The following APBB2 variants were observed in gnomAD, a reference collection of about 807,000 sequenced individuals.
APBB2 encodes the protein amyloid beta precursor protein binding family B member 2, also known as Fe65-like 1.
Under a neutral mutation model 82.5 loss-of-function variants are expected in APBB2, and 38 were observed. The observed-to-expected ratio is 0.46, with a 90% CI of 0.36 to 0.60. APBB2 has a LOEUF of 0.60. APBB2 is among the 20% of genes least tolerant of loss of function. The pLI, the probability that APBB2 is intolerant of heterozygous loss-of-function variation, is 0.00. For missense variants in APBB2, 772 were observed against 972.3 expected (o/e 0.79, Z 2.74); for synonymous variants, 341 against 368.2 (o/e 0.93, Z 0.85).
At chr4:40,954,123 T>C (rs1359120375) in intron 6 of APBB2, among the ~76,000 whole-genome samples, 1 of 152,120 alleles carries the variant, frequency 6.6e-6, no homozygotes, top group Non-Finnish European at 1.5e-5. Context: ...GCAAACCCAC[T>C]TCTAATAACC....
At chr4:40,971,879 C>G (rs535991570) in intron 6 of APBB2, among the ~76,000 whole-genome samples, 17 of 152,226 alleles carry the variant, frequency 1.1e-4, no homozygotes, top group South Asian at 6.2e-4. Flanking sequence ...TATGAAAAGC[C>G]TATAGTGCAT....
chr4:41,071,024 T>G (rs1733687806), intron 3 of APBB2, among the ~76,000 whole-genome samples: 1 of 152,170 alleles, frequency 6.6e-6, no homozygotes, highest in African/African-American at 2.4e-5. Context: ...AACAAATACA[T>G]TAATGCTTCC....
chr4:40,943,040 C>A (rs187297553), intron 7 of APBB2, among the ~76,000 whole-genome samples: 98 of 152,290 alleles, frequency 6.4e-4, no homozygotes, highest in Non-Finnish European at 1.1e-3. Context: ...AGATTCATGG[C>A]ACAAAAACTG....
chr4:40,816,352 C>G, intron 17 of APBB2, 93 bp from the exon 18 acceptor site: 2 of 1,367,190 alleles, frequency 1.5e-6, no homozygotes, highest in Admixed American at 1.9e-5. Flanking sequence ...TACATTGACT[C>G]CCAAAGGTTA....
chr4:41,067,777 G>A (rs926603178), intron 3 of APBB2, among the ~76,000 whole-genome samples: 2 of 152,210 alleles, frequency 1.3e-5, no homozygotes, highest in South Asian at 2.1e-4. Context: ...AGAAGTCACT[G>A]TCCACCTTGA....
At chr4:40,897,433 G>A (rs963281378) in intron 10 of APBB2, among the ~76,000 whole-genome samples, 1 of 151,932 alleles carries the variant, frequency 6.6e-6, no homozygotes, top group Non-Finnish European at 1.5e-5. Context: ...CAAAAGAATC[G>A]TTTGAACCCG....
chr4:41,096,544 G>A (rs12505741), intron 3 of APBB2, among the ~76,000 whole-genome samples: 22,901 of 152,034 alleles, frequency 0.15, 1,910 homozygotes, highest in Non-Finnish European at 0.18. Flanking sequence ...AATATAAAAC[G>A]TGTGTACACA....
intron 12 of APBB2, among the ~76,000 whole-genome samples, chr4:40,868,905 G>A (rs935363018): frequency 6.6e-6 from 1 of 152,146 alleles, no homozygotes; most frequent in Non-Finnish European, 1.5e-5. Flanking sequence ...AACAAGGTTT[G>A]TGGAAGGCAC....
chr4:40,960,611 C>A (rs1792916599), intron 6 of APBB2, among the ~76,000 whole-genome samples: 1 of 151,868 alleles, frequency 6.6e-6, no homozygotes, highest in African/African-American at 2.4e-5. Context: ...CCATGCCCGG[C>A]TAATTTTTTA....
Position 40,934,524 on chromosome 4 carries a change from G to A in APBB2, c.1194-8C>T. 1 of 1,614,068 alleles carries A rather than the reference G, an allele frequency of 6.2e-7. No homozygotes were observed. Among genetic ancestry groups the A allele is most frequent in the Non-Finnish European group, 8.5e-7 (1 of 1,179,944 alleles). On this transcript the variant is annotated splice_polypyrimidine_tract_variant and splice_region_variant and intron_variant, in intron 9 of 17. Coordinates refer to ENST00000508593, the MANE Select transcript of APBB2 (RefSeq NM_004307.2). Reference sequence around the variant, plus strand: ...TCAGGGTGTGGGGCATTTCTAGGCAGAAAAACAGAAAAGTGGACTTAGAAT... The same window carrying A: ...TCAGGGTGTGGGGCATTTCTAGGCAAAAAAACAGAAAAGTGGACTTAGAAT...
At chr4:41,126,523 G>T (rs1047096318) in intron 2 of APBB2, among the ~76,000 whole-genome samples, 1 of 152,234 alleles carries the variant, frequency 6.6e-6, no homozygotes. Context: ...GCACTACTGA[G>T]TCTCCCTCTT....
At chr4:41,189,917 G>T (rs992913756) in intron 1 of APBB2, among the ~76,000 whole-genome samples, 1 of 152,164 alleles carries the variant, frequency 6.6e-6, no homozygotes, top group African/African-American at 2.4e-5. Context: ...GCACCTGCAC[G>T]TTGCCTCAGC....
intron 6 of APBB2, among the ~76,000 whole-genome samples, chr4:41,006,469 T>A (rs149097179): frequency 0.014 from 2,097 of 152,292 alleles, 51 homozygotes; most frequent in African/African-American, 0.048. Context: ...TTTTTTATTT[T>A]TTTATTTTTT....
intron 2 of APBB2, among the ~76,000 whole-genome samples, chr4:41,133,982 C>CT (rs943960664): frequency 7.9e-5 from 12 of 151,106 alleles, no homozygotes; most frequent in South Asian, 2.1e-4. Context: ...TTCCTTTTTT[C>CT]TTTTTTTTTA....
chr4:41,036,640 C>T (rs760889736), intron 4 of APBB2, among the ~76,000 whole-genome samples: 1 of 152,038 alleles, frequency 6.6e-6, no homozygotes, highest in Non-Finnish European at 1.5e-5. Flanking sequence ...GAAAATGCAA[C>T]AAAAAACCAC....
chr4:41,030,348 T>C (rs1716260533), intron 5 of APBB2, among the ~76,000 whole-genome samples: 1 of 152,064 alleles, frequency 6.6e-6, no homozygotes, highest in Non-Finnish European at 1.5e-5. Context: ...ACCTTTGGAG[T>C]AGTCAACTTT....
At chr4:41,101,550 C>T (rs561056329) in intron 2 of APBB2, among the ~76,000 whole-genome samples, 10 of 143,458 alleles carry the variant, frequency 7.0e-5, no homozygotes, top group Middle Eastern at 4.0e-3. Flanking sequence ...CTTTTAAATA[C>T]TCTTCAAATG....
chr4:41,152,914 T>C (rs1367705961), intron 1 of APBB2, among the ~76,000 whole-genome samples: 1 of 152,190 alleles, frequency 6.6e-6, no homozygotes, highest in Non-Finnish European at 1.5e-5. Context: ...ATGGTGATAT[T>C]AGAGGTGGAG....
intron 3 of APBB2, among the ~76,000 whole-genome samples, chr4:41,078,964 C>G (rs1268005874): frequency 6.6e-6 from 1 of 152,138 alleles, no homozygotes; most frequent in Non-Finnish European, 1.5e-5. Flanking sequence ...ATGACTTAGC[C>G]GTGGTCAACC....
Sources: gnomAD v4.1 joint callset for allele counts (sites outside exome capture counted in the v4.1 genomes callset) on GRCh38, gnomAD v4.1.1 for gene constraint, MANE v1.5 for transcripts, NCBI Gene and HGNC (gene_info 2026-07-23, HGNC 2026-07-21) for gene names.